The following POR variants were observed in gnomAD, a reference collection of about 807,000 sequenced individuals.
POR encodes NADPH--cytochrome P450 reductase.
POR carries 56 observed loss-of-function variants against 84.0 expected under a neutral mutation model. The observed-to-expected ratio is 0.67, with a 90% CI of 0.54 to 0.83. The LOEUF is 0.83. Among genes scored for constraint, POR ranks in the 40% least tolerant of loss-of-function variants. The pLI, the probability that POR is intolerant of heterozygous loss-of-function variation, is 0.00. For synonymous variants in POR, 414 were observed against 400.5 expected (o/e 1.03, Z -0.40); for missense variants, 938 against 944.3 (o/e 0.99, Z 0.09).
At chr7:75,971,749 G>A (rs574462245) in intron 2 of POR, among the ~76,000 whole-genome samples, 214 of 152,238 alleles carry the variant, frequency 1.4e-3, no homozygotes, top group African/African-American at 4.9e-3. Flanking sequence ...AGGGCAGAGC[G>A]GGGGTCAGCC....
intron 2 of POR, among the ~76,000 whole-genome samples, chr7:75,961,766 C>A (rs1554554555): frequency 6.6e-6 from 1 of 152,230 alleles, no homozygotes; most frequent in Admixed American, 6.5e-5. Context: ...GTAATCCCAG[C>A]ACTTCGGGAG....
At chr7:75,922,453 A>T (rs1347777474) in intron 1 of POR, among the ~76,000 whole-genome samples, 1 of 151,456 alleles carries the variant, frequency 6.6e-6, no homozygotes, top group East Asian at 1.9e-4. Flanking sequence ...CCTCCTGAGT[A>T]GCTGGAATTA....
intron 1 of POR, among the ~76,000 whole-genome samples, chr7:75,938,163 G>A (rs940715145): frequency 7.2e-5 from 11 of 152,160 alleles, no homozygotes; most frequent in Non-Finnish European, 1.3e-4. Context: ...TCATTGCATC[G>A]GGCACATGCT....
At chr7:75,935,755 GATTA>G (rs560807498) in intron 1 of POR, among the ~76,000 whole-genome samples, 155 of 151,748 alleles carry the variant, frequency 1.0e-3, no homozygotes, top group Middle Eastern at 3.4e-3. Flanking sequence ...AGCCAGCTCA[GATTA>G]ATTAATATTA....
chr7:75,963,367 C>A (rs1554554770), intron 2 of POR, among the ~76,000 whole-genome samples: 1 of 152,172 alleles, frequency 6.6e-6, no homozygotes, highest in African/African-American at 2.4e-5. Context: ...TCTGCAAGCA[C>A]AGCTCTGGGT....
rs150950275 is a variant in POR at position 75,919,255 on chromosome 7, C to G, written c.-5+4076C>G. ...ACCATTTGGGAAATTTTTACTGTGT[C>G]TAAATTTGTAATCATACTGTTTTAG... On this transcript the variant is annotated intron_variant, in intron 1 of 15. Coordinates refer to ENST00000461988, the MANE Select transcript of POR (RefSeq NM_000941.3). Among the ~76,000 whole-genome samples, 281 of 152,264 alleles carry G rather than the reference C, an allele frequency of 1.8e-3. 2 individuals are homozygous for G. Among genetic ancestry groups the G allele is most frequent in the African/African-American group, 6.3e-3 (263 of 41,530 alleles).
chr7:75,964,732 A>G (rs782445930), intron 2 of POR, among the ~76,000 whole-genome samples: 2 of 152,194 alleles, frequency 1.3e-5, no homozygotes, highest in Admixed American at 1.3e-4. Flanking sequence ...ATGTTCTGAT[A>G]TACGTATCTT....
intron 2 of POR, among the ~76,000 whole-genome samples, chr7:75,954,984 A>T (rs112907477): frequency 0.13 from 19,216 of 152,154 alleles, 1,569 homozygotes; most frequent in South Asian, 0.2. Context: ...CTGGGATTAC[A>T]GGTGTGAGCC....
Position 75,986,694 on chromosome 7 carries a change from G to GTGCCCCCAT in POR, c.*213_*214insTGCCCCCAT. 1 of 631,516 alleles carries GTGCCCCCAT rather than the reference G, an allele frequency of 1.6e-6. No homozygotes were observed. The highest frequency in any genetic ancestry group is 2.7e-6 in the Non-Finnish European group (1 of 367,734). 39.1% of individuals were successfully genotyped at this position (631,516 alleles called of 1,614,324 possible). ...CAGCACAGCCCAGGGCCTGCATGGGGGCACCGGGCTCCATGCCTCTGGAGG... is the reference window on the plus strand; with the variant it reads ...CAGCACAGCCCAGGGCCTGCATGGGGTGCCCCCATGCACCGGGCTCCATGCCTCTGGAGG... On this transcript the variant is annotated 3_prime_UTR_variant, in exon 16 of 16. Coordinates refer to ENST00000461988, the MANE Select transcript of POR (RefSeq NM_000941.3).
intron 3 of POR, chr7:75,972,853 C>T (rs994369811): frequency 5.1e-5 from 15 of 291,638 alleles, no homozygotes; most frequent in Non-Finnish European, 9.5e-5. Flanking sequence ...GATGGAATCT[C>T]GCTCTGTCAC....
intron 3 of POR, chr7:75,972,735 C>T (rs1788497162): frequency 3.8e-6 from 2 of 528,370 alleles, no homozygotes; most frequent in Non-Finnish European, 3.4e-6. Context: ...AAGCTTCTCC[C>T]GTCTGGCCCT....
At chr7:75,917,102 C>G (rs550468966) in intron 1 of POR, among the ~76,000 whole-genome samples, 2 of 151,686 alleles carry the variant, frequency 1.3e-5, no homozygotes, top group East Asian at 3.9e-4. Flanking sequence ...AGGTCTCACT[C>G]TGTCGTGCAG....
chr7:75,942,206 G>A (rs1786952654), intron 1 of POR, among the ~76,000 whole-genome samples: 1 of 152,160 alleles, frequency 6.6e-6, no homozygotes, highest in Non-Finnish European at 1.5e-5. Flanking sequence ...CAGTCTGGGT[G>A]ACAAAGCAAG....
At chr7:75,954,272 A>G (rs1300412445) in intron 2 of POR, 92 bp downstream of exon 2, 2 of 1,334,218 alleles carry the variant, frequency 1.5e-6, no homozygotes, top group African/African-American at 2.9e-5. Context: ...TGAAAGAAGC[A>G]AGGCTCCTTG....
intron 3 of POR, among the ~76,000 whole-genome samples, chr7:75,975,814 A>AT (rs539245771): frequency 0.028 from 2,337 of 82,194 alleles, 154 homozygotes; most frequent in South Asian, 0.15. Context: ...AGCTGTTCAG[A>AT]TTTTTTTTTT....
chr7:75,978,585 G>C (rs918039010), intron 3 of POR, among the ~76,000 whole-genome samples: 1 of 152,146 alleles, frequency 6.6e-6, no homozygotes, highest in Non-Finnish European at 1.5e-5. Context: ...GTGCAATGGC[G>C]CGATCTCGGC....
intron 3 of POR, among the ~76,000 whole-genome samples, chr7:75,975,027 C>T (rs1253395265): frequency 6.6e-6 from 1 of 152,102 alleles, no homozygotes; most frequent in Non-Finnish European, 1.5e-5. Flanking sequence ...CCTAGCTGAT[C>T]GCATTTTTAT....
chr7:75,940,737 T>C (rs1465365420), intron 1 of POR, among the ~76,000 whole-genome samples: 1 of 151,560 alleles, frequency 6.6e-6, no homozygotes, highest in African/African-American at 2.4e-5. Context: ...TCAGCTGAGA[T>C]TGCGCCACTG....
chr7:75,919,766 G>A (rs1441607117), intron 1 of POR, among the ~76,000 whole-genome samples: 4 of 152,038 alleles, frequency 2.6e-5, no homozygotes, highest in Non-Finnish European at 5.9e-5. Context: ...ACAAAGCCCC[G>A]GGGAACCTGA....
Sources: gnomAD v4.1 joint callset for allele counts (sites outside exome capture counted in the v4.1 genomes callset) on GRCh38, gnomAD v4.1.1 for gene constraint, MANE v1.5 for transcripts, NCBI Gene and HGNC (gene_info 2026-07-23, HGNC 2026-07-21) for gene names.